The following FER1L6 variants were observed in gnomAD, a reference collection of about 807,000 sequenced individuals.
The protein encoded by FER1L6 is fer-1 like family member 6.
FER1L6 carries 177 observed loss-of-function variants against 219.2 expected under a neutral mutation model. That is an observed-to-expected ratio of 0.81 (90% CI 0.71 to 0.91). The LOEUF (loss-of-function observed/expected upper bound fraction) is 0.91, where lower values mean the gene tolerates loss of function less well. Ranked by LOEUF, FER1L6 falls within the 40% of genes least tolerant of loss-of-function variation. FER1L6 has a pLI of 0.00. For missense variants in FER1L6, 2,153 were observed against 2,259.9 expected, an observed-to-expected ratio of 0.95 and a Z score of 0.96; for synonymous variants, 768 against 824.3, an observed-to-expected ratio of 0.93 and a Z score of 1.17.
At chr8:123,947,855 A>T (rs555012025) in intron 1 of FER1L6, among the ~76,000 whole-genome samples, 1 of 152,318 alleles carries the variant, frequency 6.6e-6, no homozygotes, top group South Asian at 2.1e-4. Context: ...GAGGCAGTTG[A>T]GTTGGGCCTA....
chr8:123,958,603 G>A lies in FER1L6; in HGVS notation c.76+2529G>A, dbSNP rs1234278757. Among the ~76,000 whole-genome samples the A allele has an allele frequency of 3.3e-5, 5 of 152,108 alleles. No homozygotes were observed. In the East Asian group the frequency reaches 5.8e-4, roughly 18 times the overall value. ...TCCTACATAAACATCTTTGTAAAACGTCCTCAAATCACCTTACTCTGATTG... is the reference window on the plus strand; with the variant it reads ...TCCTACATAAACATCTTTGTAAAACATCCTCAAATCACCTTACTCTGATTG... On this transcript the variant is annotated intron_variant, in intron 2 of 40. Transcript: ENST00000522917.
At chr8:124,004,384 C>T (rs2130514533) in intron 13 of FER1L6, among the ~76,000 whole-genome samples, 1 of 152,132 alleles carries the variant, frequency 6.6e-6, no homozygotes, top group East Asian at 1.9e-4. Context: ...ATATTTCTTC[C>T]CCCATTTTGT....
chr8:124,004,866 C>T (rs960602732), intron 13 of FER1L6, among the ~76,000 whole-genome samples: 4 of 151,834 alleles, frequency 2.6e-5, no homozygotes, highest in Admixed American at 1.3e-4. Context: ...GGCATGGTGG[C>T]GGGCACCTGT....
Position 124,119,684 on chromosome 8 carries a change from A to C in FER1L6, c.5468A>C (p.Lys1823Thr). 1 of 1,613,666 alleles carries C rather than the reference A, an allele frequency of 6.2e-7. No homozygotes were observed. Among genetic ancestry groups the C allele is most frequent in the Non-Finnish European group, 8.5e-7 (1 of 1,179,602 alleles). Reference protein sequence around the residue: ...LYYLIWKNYKKYIIIAFILII... With the variant: ...LYYLIWKNYKTYIIIAFILII... Reference sequence around the variant, plus strand: ...TACCTCATCTGGAAGAATTACAAAAAGTACATCATCATTGCTTTCATTCTC... The same window carrying C: ...TACCTCATCTGGAAGAATTACAAAACGTACATCATCATTGCTTTCATTCTC... The change falls in exon 41 of 41, where the codon AAG becomes ACG. Residue 1823 changes from lysine to threonine, a missense_variant. By Grantham distance (78) the Lys-to-Thr change is moderately conservative. Coordinates refer to ENST00000522917, the MANE Select transcript of FER1L6 (RefSeq NM_001039112.2).
chr8:124,003,263 G>A lies in FER1L6; in HGVS notation c.1616G>A (p.Gly539Glu), dbSNP rs1257814844. Residue 539 changes from glycine (G) to glutamate (E), a missense_variant, in exon 13 of 41, where the codon GGG becomes GAG. Coordinates refer to ENST00000522917, the MANE Select transcript of FER1L6 (RefSeq NM_001039112.2). ...EEDLLPLLHE[G>E]QGDVAHDVPI... is the part of the protein sequence containing the mutation. ...GACCTCCTTCCACTGCTTCACGAAGGGCAAGGGGATGTGGCCCATGATGTT... is the reference window on the plus strand; with the variant it reads ...GACCTCCTTCCACTGCTTCACGAAGAGCAAGGGGATGTGGCCCATGATGTT... The A allele has an allele frequency of 6.2e-7, 1 of 1,614,030 alleles. No homozygotes were observed. The highest frequency in any genetic ancestry group is 1.7e-5 in the Admixed American group (1 of 60,010).
intron 12 of FER1L6, among the ~76,000 whole-genome samples, chr8:123,989,114 G>A (rs1244917111): frequency 6.6e-6 from 1 of 152,026 alleles, no homozygotes; most frequent in Non-Finnish European, 1.5e-5. Context: ...TTCTGTTGAC[G>A]TGATGTATCA....
rs1167415509 is a variant in FER1L6, at chr8:123,956,074, G to A, written c.76G>A (p.Asp26Asn). The change falls in exon 2 of 41, where the codon GAT becomes AAT. Residue 26 changes from aspartate to asparagine, a missense_variant and splice_region_variant. By Grantham distance (23) the Asp-to-Asn change is conservative (BLOSUM62 1). Coordinates refer to ENST00000522917, the MANE Select transcript of FER1L6 (RefSeq NM_001039112.2). ...GLILANKAAK[D>N]SQGDTEALQE... ...AATCCTAGCCAACAAGGCTGCGAAA[G>A]GTGAGGCTGGGGGTGGGGTGCTGAC... The A allele has an allele frequency of 3.7e-6, 6 of 1,609,576 alleles. No individual in the cohort carries two copies. The highest frequency in any genetic ancestry group is 4.2e-6 in the Non-Finnish European group (5 of 1,178,342).
At chr8:124,018,167 G>A (rs1029722670) in intron 16 of FER1L6, among the ~76,000 whole-genome samples, 3 of 152,196 alleles carry the variant, frequency 2.0e-5, no homozygotes, top group African/African-American at 7.2e-5. Context: ...GCATGTGCTA[G>A]GTGCCTAACA....
At chr8:123,890,625 A>ATTTTTTTTTTTTT (rs59914385) in intron 1 of FER1L6, among the ~76,000 whole-genome samples, 17 of 91,426 alleles carry the variant, frequency 1.9e-4, no homozygotes, top group East Asian at 6.9e-4. Flanking sequence ...TAAAAATTTG[A>ATTTTTTTTTTTTT]TTTTTTTTTT....
chr8:123,948,943 G>T (rs1321721768), intron 1 of FER1L6, among the ~76,000 whole-genome samples: 1 of 152,156 alleles, frequency 6.6e-6, no homozygotes, highest in Non-Finnish European at 1.5e-5. Context: ...TAGAGAGTAG[G>T]TTTCAGGAGG....
In FER1L6 at chr8:124,082,476, G is replaced by T; in HGVS notation, c.4391+18G>T. ...TATGAGATGTAAGTTCTTTCTCCCCGGGAGACACTTGGTATTCTGAAGCTG... is the reference window on the plus strand; with the variant it reads ...TATGAGATGTAAGTTCTTTCTCCCCTGGAGACACTTGGTATTCTGAAGCTG... On this transcript the variant is annotated intron_variant, in intron 33 of 40. Coordinates refer to ENST00000522917, the MANE Select transcript of FER1L6 (RefSeq NM_001039112.2). The T allele has an allele frequency of 6.2e-7, 1 of 1,609,534 alleles. No individual in the cohort carries two copies. The highest frequency in any genetic ancestry group is 2.2e-5 in the East Asian group (1 of 44,804).
chr8:124,035,548 CATT>C, intron 19 of FER1L6, 94 bp downstream of exon 19: 2 of 1,306,158 alleles, frequency 1.5e-6, no homozygotes, highest in African/African-American at 1.5e-5. Context: ...GTTTTTTGCA[CATT>C]ATTTTAGGGC....
intron 1 of FER1L6, among the ~76,000 whole-genome samples, chr8:123,893,450 GA>G (rs1448032227): frequency 6.6e-6 from 1 of 152,132 alleles, no homozygotes; most frequent in Non-Finnish European, 1.5e-5. Context: ...AGAGATTAGA[GA>G]ACTTTTTGAA....
intron 1 of FER1L6, among the ~76,000 whole-genome samples, chr8:123,948,309 A>G (rs890464327): frequency 6.6e-6 from 1 of 152,232 alleles, no homozygotes; most frequent in Non-Finnish European, 1.5e-5. Flanking sequence ...CTGAAAATCT[A>G]TGCTTTTTAA....
At chr8:123,904,849 G>T (rs1308399982) in intron 1 of FER1L6, among the ~76,000 whole-genome samples, 1 of 152,230 alleles carries the variant, frequency 6.6e-6, no homozygotes, top group Non-Finnish European at 1.5e-5. Context: ...GTTCACACTA[G>T]CTTTCAAGAG....
chr8:123,955,415 G>A (rs1814970605), intron 1 of FER1L6, among the ~76,000 whole-genome samples: 1 of 152,188 alleles, frequency 6.6e-6, no homozygotes, highest in Admixed American at 6.5e-5. Flanking sequence ...GTAAGTTCCA[G>A]GCCTTCTTGA....
chr8:123,857,789 T>G (rs1563664131), intron 1 of FER1L6, among the ~76,000 whole-genome samples: 1 of 152,166 alleles, frequency 6.6e-6, no homozygotes, highest in Admixed American at 6.5e-5. Flanking sequence ...TCCACTGCCC[T>G]CTCTCCTCTT....
intron 13 of FER1L6, among the ~76,000 whole-genome samples, chr8:124,010,003 G>A (rs77653193): frequency 2.2e-4 from 32 of 147,680 alleles, no homozygotes; most frequent in African/African-American, 7.5e-4. Flanking sequence ...CTGGCGACCC[G>A]GGGAGGAGAG....
intron 18 of FER1L6, among the ~76,000 whole-genome samples, chr8:124,026,983 G>A (rs182703240): frequency 4.6e-5 from 7 of 152,232 alleles, no homozygotes; most frequent in African/African-American, 1.7e-4. Flanking sequence ...CATGTTCCAG[G>A]CCTCTCTTCT....
Sources: allele counts gnomAD v4.1 joint callset (sites outside exome capture counted in the v4.1 genomes callset), GRCh38; gene constraint gnomAD v4.1.1; transcripts MANE v1.5; gene names NCBI Gene and HGNC (gene_info 2026-07-23, HGNC 2026-07-21).